The following SYN3 variants were observed in gnomAD, a reference collection of about 807,000 sequenced individuals.
SYN3 encodes synapsin-3.
Under a neutral mutation model 65.8 loss-of-function variants are expected in SYN3, and 35 were observed. That is an observed-to-expected ratio of 0.53 (90% CI 0.41 to 0.70). The LOEUF is 0.70. SYN3 is among the 30% of genes least tolerant of loss of function. The pLI is 0.00. For synonymous variants in SYN3, 270 were observed against 292.9 expected, an observed-to-expected ratio of 0.92 and a Z score of 0.80; for missense variants, 680 against 749.0, an observed-to-expected ratio of 0.91 and a Z score of 1.08.
chr22:32,763,947 T>A (rs1220022663), intron 6 of SYN3, among the ~76,000 whole-genome samples: 1 of 146,196 alleles, frequency 6.8e-6, no homozygotes, highest in African/African-American at 2.5e-5. Flanking sequence ...CCCCCCCCTT[T>A]TTTTTTTTGA....
intron 1 of SYN3, among the ~76,000 whole-genome samples, chr22:33,042,958 C>A (rs1475222147): frequency 2.0e-5 from 3 of 152,202 alleles, no homozygotes; most frequent in Non-Finnish European, 4.4e-5. Context: ...TATTCTCACA[C>A]TTCCTACTGC....
chr22:32,649,321 A>C (rs1247459503), intron 6 of SYN3, among the ~76,000 whole-genome samples: 1 of 152,206 alleles, frequency 6.6e-6, no homozygotes, highest in Non-Finnish European at 1.5e-5. Context: ...GAGAGCAAGA[A>C]TAATTATTTT....
In SYN3 at chr22:32,904,891, G is replaced by A. The variant is rs544727013; in HGVS notation, c.461+26499C>T. On this transcript the variant is annotated intron_variant, in intron 4 of 13. Transcript: ENST00000358763. ...TTGTAAGGCATTCTTTGCATGCAAT[G>A]AATTAACTTCCCTCCTGTCCATGGA... Among the ~76,000 whole-genome samples the A allele has an allele frequency of 2.0e-5, 3 of 152,280 alleles. No homozygotes were observed. In the East Asian group the frequency reaches 5.8e-4, roughly 29 times the overall value.
chr22:32,878,547 C>G (rs547420217), intron 4 of SYN3, among the ~76,000 whole-genome samples: 1 of 152,292 alleles, frequency 6.6e-6, no homozygotes, highest in African/African-American at 2.4e-5. Flanking sequence ...ATGTGATTTC[C>G]CTGCCACTAC....
intron 3 of SYN3, among the ~76,000 whole-genome samples, chr22:32,966,347 G>A (rs1427254015): frequency 6.6e-6 from 1 of 152,292 alleles, no homozygotes; most frequent in Non-Finnish European, 1.5e-5. Flanking sequence ...AAGGCATGGA[G>A]ATGTGACTCC....
chr22:32,640,282 A>G (rs1197738456), intron 6 of SYN3, among the ~76,000 whole-genome samples: 1 of 152,158 alleles, frequency 6.6e-6, no homozygotes, highest in Non-Finnish European at 1.5e-5. Context: ...CTAGATTGTA[A>G]GCTCCTTGGA....
intron 4 of SYN3, among the ~76,000 whole-genome samples, chr22:32,899,190 C>A (rs1311445225): frequency 6.6e-6 from 1 of 152,138 alleles, no homozygotes; most frequent in African/African-American, 2.4e-5. Flanking sequence ...TGGTCGGCAT[C>A]AAGTACTGTG....
chr22:32,946,304 A>C (rs1355790366), intron 3 of SYN3, among the ~76,000 whole-genome samples: 2 of 152,220 alleles, frequency 1.3e-5, no homozygotes, highest in African/African-American at 4.8e-5. Flanking sequence ...AATGTCCATC[A>C]ATGATAGACT....
intron 7 of SYN3, among the ~76,000 whole-genome samples, chr22:32,548,413 G>A (rs780633020): frequency 7.9e-5 from 12 of 151,880 alleles, no homozygotes; most frequent in South Asian, 2.1e-4. Context: ...TTGCTCTGTC[G>A]TCAGGCTGGA....
chr22:32,584,828 A>G (rs2058999748), intron 7 of SYN3, among the ~76,000 whole-genome samples: 1 of 152,242 alleles, frequency 6.6e-6, no homozygotes, highest in Non-Finnish European at 1.5e-5. Flanking sequence ...TCAGTTGACC[A>G]AAACACAAGA....
chr22:33,054,285 C>CG (rs2054219986), intron 1 of SYN3, among the ~76,000 whole-genome samples: 1 of 152,138 alleles, frequency 6.6e-6, no homozygotes, highest in South Asian at 2.1e-4. Flanking sequence ...GGATGTTTTA[C>CG]GGGCATCTCC....
chr22:32,780,989 C>CCTTCCCTCCTTCCT (rs1266444472), intron 6 of SYN3, among the ~76,000 whole-genome samples: 1 of 138,980 alleles, frequency 7.2e-6, no homozygotes. Context: ...CTCCTTCCTT[C>CCTTCCCTCCTTCCT]CTCTCTCTCA....
At chr22:32,761,182 G>A (rs9606992) in intron 6 of SYN3, among the ~76,000 whole-genome samples, 22,945 of 152,078 alleles carry the variant, frequency 0.15, 2,212 homozygotes, top group East Asian at 0.35. Context: ...TAACCTTGCT[G>A]CAAAGGTGCT....
At chr22:33,043,995 G>C (rs1011468582) in intron 1 of SYN3, among the ~76,000 whole-genome samples, 2 of 151,960 alleles carry the variant, frequency 1.3e-5, no homozygotes, top group African/African-American at 2.4e-5. Context: ...AGAGGTTGCA[G>C]TGAGCCGAGA....
At chr22:32,747,223 G>A (rs1282802922) in intron 6 of SYN3, among the ~76,000 whole-genome samples, 3 of 152,108 alleles carry the variant, frequency 2.0e-5, no homozygotes, top group South Asian at 4.1e-4. Context: ...GAGAGGCGAA[G>A]TGACTTGCCA....
chr22:32,664,027 G>T (rs1187954045), intron 6 of SYN3, among the ~76,000 whole-genome samples: 1 of 152,118 alleles, frequency 6.6e-6, no homozygotes, highest in African/African-American at 2.4e-5. Context: ...TTAGACTTGA[G>T]AAGAGACTAT....
At chr22:32,698,043 C>T (rs2060761506) in intron 6 of SYN3, among the ~76,000 whole-genome samples, 1 of 152,176 alleles carries the variant, frequency 6.6e-6, no homozygotes, top group Non-Finnish European at 1.5e-5. Flanking sequence ...TCAGAAGAGT[C>T]AACCCTAGCT....
intron 2 of SYN3, among the ~76,000 whole-genome samples, chr22:32,998,153 G>A (rs1017249975): frequency 4.6e-5 from 7 of 151,886 alleles, no homozygotes; most frequent in Non-Finnish European, 8.8e-5. Flanking sequence ...CATTTCCTAC[G>A]TACCTATTAT....
At chr22:32,573,284 C>T (rs1217174471) in intron 7 of SYN3, among the ~76,000 whole-genome samples, 1 of 152,024 alleles carries the variant, frequency 6.6e-6, no homozygotes, top group Non-Finnish European at 1.5e-5. Flanking sequence ...TTAAAGCATC[C>T]AAAAAGGACA....
Sources: allele counts gnomAD v4.1 joint callset (sites outside exome capture counted in the v4.1 genomes callset), GRCh38; gene constraint gnomAD v4.1.1; transcripts MANE v1.5; gene names NCBI Gene and HGNC (gene_info 2026-07-23, HGNC 2026-07-21).